Variants in TSPEAR observed in about 807,000 individuals in gnomAD.
TSPEAR encodes the protein thrombospondin-type laminin G domain and EAR repeat-containing protein.
TSPEAR carries 69 observed loss-of-function variants against 71.6 expected under a neutral mutation model. The observed-to-expected ratio is 0.96, with a 90% CI of 0.79 to 1.18. The LOEUF (loss-of-function observed/expected upper bound fraction) is 1.18, where lower values mean the gene tolerates loss of function less well. Among genes scored for constraint, TSPEAR ranks in the 50% most tolerant of loss-of-function variants. The pLI is 0.00. For missense variants in TSPEAR, 971 were observed against 894.9 expected, an observed-to-expected ratio of 1.09 and a Z score of -1.09; for synonymous variants, 402 against 387.2, an observed-to-expected ratio of 1.04 and a Z score of -0.45.
chr21:44,499,994 C>T, intron 11 of TSPEAR, 58 bp from the exon 12 acceptor site: 2 of 1,519,278 alleles, frequency 1.3e-6, no homozygotes, highest in Non-Finnish European at 1.8e-6. Flanking sequence ...AGCTCCTCTC[C>T]CCCGGCTCCC....
intron 3 of TSPEAR, 22 bp downstream of exon 3, chr21:44,533,662 AC>A: frequency 6.3e-7 from 1 of 1,583,610 alleles, no homozygotes. Flanking sequence ...CTGCAGGTGC[AC>A]CCTCCCCGGG....
intron 1 of TSPEAR, among the ~76,000 whole-genome samples, chr21:44,570,298 G>A (rs2053774141): frequency 6.6e-6 from 1 of 152,202 alleles, no homozygotes; most frequent in South Asian, 2.1e-4. Context: ...CCTCTTCCTG[G>A]CTCCGGACCC....
rs587668806 is a variant in TSPEAR, at chr21:44,539,891, G to A, written c.304-5968C>T. On this transcript the variant is annotated intron_variant, in intron 2 of 11. Transcript: ENST00000323084. Reference sequence around the variant, plus strand: ...GCAGGGGGAGGAGGTGCAGCAAGCCGGCTGGCAGCTAGACTGCTGGCAGCA... The same window carrying A: ...GCAGGGGGAGGAGGTGCAGCAAGCCAGCTGGCAGCTAGACTGCTGGCAGCA... 3.5e-5 allele frequency: 56 copies of A among 1,614,060 alleles called. 1 individual carries two copies. The East Asian group carries it at 4.7e-4, about 13-fold the overall frequency.
intron 11 of TSPEAR, among the ~76,000 whole-genome samples, chr21:44,503,431 G>T (rs2145907009): frequency 7.4e-6 from 1 of 134,764 alleles, no homozygotes; most frequent in African/African-American, 2.8e-5. Context: ...TGAGCCCTCG[G>T]GGGGAAGCAA....
At chr21:44,512,191 G>T (rs1460956477) in intron 9 of TSPEAR, among the ~76,000 whole-genome samples, 1 of 152,212 alleles carries the variant, frequency 6.6e-6, no homozygotes, top group East Asian at 1.9e-4. Flanking sequence ...CCTGGGTGCT[G>T]TGGAAAGCAG....
At chr21:44,594,299 G>A (rs954873634) in intron 1 of TSPEAR, among the ~76,000 whole-genome samples, 20 of 152,280 alleles carry the variant, frequency 1.3e-4, no homozygotes, top group South Asian at 1.0e-3. Context: ...AAGTGGGGAA[G>A]GGGACAAGAT....
intron 1 of TSPEAR, chr21:44,579,777 G>C: frequency 6.2e-7 from 1 of 1,611,940 alleles, no homozygotes; most frequent in Non-Finnish European, 8.5e-7. Flanking sequence ...CAGGCCAGGG[G>C]GGAGCACGCG....
chr21:44,580,618 T>TGTGA, intron 1 of TSPEAR: 2 of 1,571,734 alleles, frequency 1.3e-6, no homozygotes, highest in Non-Finnish European at 1.7e-6. Context: ...CTGGGGGAGG[T>TGTGA]GTGAGTGAGT....
At chr21:44,606,892 G>A (rs1199453420) in intron 1 of TSPEAR, among the ~76,000 whole-genome samples, 1 of 152,138 alleles carries the variant, frequency 6.6e-6, no homozygotes, top group Non-Finnish European at 1.5e-5. Context: ...GAAGGGAGAT[G>A]TTGATCAAAG....
chr21:44,636,414 G>C (rs587636625), intron 1 of TSPEAR, among the ~76,000 whole-genome samples: 1 of 152,314 alleles, frequency 6.6e-6, no homozygotes, highest in South Asian at 2.1e-4. Flanking sequence ...GCTGGGTGCA[G>C]TGACTTTGTC....
rs1982568309 is a variant in TSPEAR, at chr21:44,623,324, G to A, written c.83-55319C>T. Among the ~76,000 whole-genome samples the A allele has an allele frequency of 6.6e-6, 1 of 152,100 alleles. No homozygotes were observed. The highest frequency in any genetic ancestry group is 1.5e-5 in the Non-Finnish European group (1 of 68,026). On this transcript the variant is annotated intron_variant, in intron 1 of 11. Coordinates refer to ENST00000323084, the MANE Select transcript of TSPEAR (RefSeq NM_144991.3). This position sits in a 1 kb window ranked among gnomAD's most constrained non-coding sequence, Gnocchi z 4.5. ...CAACATGAATCTATGACTTTTTAAA[G>A]TCTAATGTAAATTAGATCTTATATT...
At chr21:44,692,682 T>C (rs1282777788) in intron 1 of TSPEAR, among the ~76,000 whole-genome samples, 1 of 152,172 alleles carries the variant, frequency 6.6e-6, no homozygotes, top group African/African-American at 2.4e-5. Context: ...CAATGATAAC[T>C]GTAAAACATT....
chr21:44,508,944 G>T, intron 10 of TSPEAR: 2 of 1,536,196 alleles, frequency 1.3e-6, no homozygotes, highest in East Asian at 2.6e-5. Context: ...TGGGTGTGAA[G>T]GGGCAGAACT....
chr21:44,517,950 CT>C (rs587706352), intron 9 of TSPEAR: 112 of 428,124 alleles, frequency 2.6e-4, no homozygotes, highest in African/African-American at 2.3e-3. Context: ...TCACCCTCTT[CT>C]TTTTTTTCTA....
intron 1 of TSPEAR, among the ~76,000 whole-genome samples, chr21:44,659,526 C>T (rs1195248447): frequency 2.6e-5 from 4 of 152,146 alleles, no homozygotes; most frequent in African/African-American, 9.7e-5. Context: ...CCAGAAGGAA[C>T]TGATGATGTC....
intron 1 of TSPEAR, among the ~76,000 whole-genome samples, chr21:44,581,840 C>A (rs587664125): frequency 6.6e-6 from 1 of 152,152 alleles, no homozygotes; most frequent in Non-Finnish European, 1.5e-5. Context: ...TCATTGGTGG[C>A]AGTTCATTTG....
At chr21:44,504,322 CAAGGCACT>C (rs2052139710) in intron 11 of TSPEAR, among the ~76,000 whole-genome samples, 2 of 125,834 alleles carry the variant, frequency 1.6e-5, no homozygotes, top group African/African-American at 6.4e-5. Flanking sequence ...TAGGGGGAAG[CAAGGCACT>C]GGGAGGAAGC....
intron 2 of TSPEAR, among the ~76,000 whole-genome samples, chr21:44,544,913 A>G (rs777070198): frequency 6.0e-4 from 92 of 152,358 alleles, no homozygotes; most frequent in Non-Finnish European, 7.6e-4. Context: ...ATACATATCT[A>G]ATATCAGATC....
chr21:44,627,707 A>G, intron 1 of TSPEAR: 1 of 1,598,200 alleles, frequency 6.3e-7, no homozygotes, highest in Non-Finnish European at 8.5e-7. Context: ...TCCCCCTGCC[A>G]GCAGTCCTAC....
Sources: allele counts gnomAD v4.1 joint callset (sites outside exome capture counted in the v4.1 genomes callset), GRCh38; gene constraint gnomAD v4.1.1; non-coding constraint Gnocchi (gnomAD v3.1); transcripts MANE v1.5; gene names NCBI Gene and HGNC (gene_info 2026-07-23, HGNC 2026-07-21).